NGF: variants seen among roughly 807,000 people sequenced by gnomAD.
NGF encodes the protein nerve growth factor.
NGF carries 4 observed loss-of-function variants against 12.8 expected under a neutral mutation model. The observed-to-expected ratio is 0.31, with a 90% confidence interval of 0.15 to 0.72. The LOEUF is 0.72. NGF is among the 30% of genes least tolerant of loss of function. NGF has a pLI of 0.69. For synonymous variants in NGF, 140 were observed against 130.0 expected (o/e 1.08, Z -0.52); for missense variants, 283 against 330.8 (o/e 0.86, Z 1.12).
intron 1 of NGF, among the ~76,000 whole-genome samples, chr1:115,304,211 G>A (rs1442780752): frequency 6.6e-6 from 1 of 151,840 alleles, no homozygotes; most frequent in African/African-American, 2.4e-5. Flanking sequence ...TGCCCAGGCT[G>A]TAGTGCAGTG....
In NGF at chr1:115,309,745, T is replaced by C. The variant is rs1007856931; in HGVS notation, c.-136-15995A>G. On this transcript the variant is annotated intron_variant, in intron 1 of 2. Coordinates refer to ENST00000369512, the MANE Select transcript of NGF (RefSeq NM_002506.3). Reference sequence around the variant, plus strand: ...TATGCAGCCATAAAAAAGGATGAGTTCATGTTCCTTTGCAGGGACATAGAT... The same window carrying C: ...TATGCAGCCATAAAAAAGGATGAGTCCATGTTCCTTTGCAGGGACATAGAT... 7.2e-5 allele frequency among the ~76,000 whole-genome samples: 11 copies of C among 152,336 alleles called. No individual in the cohort carries two copies. The South Asian group carries it at 2.3e-3, about 32-fold the overall frequency.
At chr1:115,313,806 G>A (rs1654400318) in intron 1 of NGF, among the ~76,000 whole-genome samples, 2 of 152,152 alleles carry the variant, frequency 1.3e-5, no homozygotes, top group Admixed American at 1.3e-4. Flanking sequence ...TTGAGCCTGA[G>A]GAAACAGTTG....
At chr1:115,290,458 T>G (rs1653658055) in intron 2 of NGF, among the ~76,000 whole-genome samples, 1 of 145,990 alleles carries the variant, frequency 6.8e-6, no homozygotes, top group Non-Finnish European at 1.5e-5. Flanking sequence ...TGCAGTGGCT[T>G]GATCTCGGCT....
At chr1:115,317,403 T>A (rs1431558330) in intron 1 of NGF, among the ~76,000 whole-genome samples, 1 of 152,196 alleles carries the variant, frequency 6.6e-6, no homozygotes, top group Non-Finnish European at 1.5e-5. Context: ...CCTCTCCAAT[T>A]CCTATGGAGG....
rs117685029 is a variant in NGF, at chr1:115,312,782, C to T, written c.-136-19032G>A. On this transcript the variant is annotated intron_variant, in intron 1 of 2. Coordinates refer to ENST00000369512, the MANE Select transcript of NGF (RefSeq NM_002506.3). ...ACAGAAATGTTTAAATCAGTGTTTC[C>T]CACCCCTGGAACATCAAAAGGGGTT... 8.1e-4 allele frequency among the ~76,000 whole-genome samples: 124 copies of T among 152,234 alleles called. 2 individuals carry two copies. In the East Asian group the frequency reaches 0.023, roughly 28 times the overall value.
chr1:115,312,950 T>A (rs1289145580), intron 1 of NGF, among the ~76,000 whole-genome samples: 2 of 152,212 alleles, frequency 1.3e-5, no homozygotes, highest in African/African-American at 4.8e-5. Flanking sequence ...CATGGAAACA[T>A]TTTTTACTGA....
intron 1 of NGF, among the ~76,000 whole-genome samples, chr1:115,313,408 T>C (rs559949077): frequency 6.6e-6 from 1 of 152,344 alleles, no homozygotes; most frequent in South Asian, 2.1e-4. Context: ...CCCAGACCCT[T>C]AGATGAACTG....
chr1:115,296,130 A>T (rs1024380908), intron 1 of NGF, among the ~76,000 whole-genome samples: 1 of 152,166 alleles, frequency 6.6e-6, no homozygotes, highest in African/African-American at 2.4e-5. Context: ...AAGGATGAAT[A>T]GGAGCTCATT....
chr1:115,286,394 C>A lies in NGF; in HGVS notation c.402G>T (p.Ser134=). Residue 134 remains serine (S), a synonymous_variant, in exon 3 of 3, where the codon TCG becomes TCT. Coordinates refer to ENST00000369512, the MANE Select transcript of NGF (RefSeq NM_002506.3). ...CCCACACGCTGACACTGTCACACAC[C>A]GAGAATTCGCCCCTGTGGAAGATGG... The part of the protein sequence containing the change: ...SHPIFHRGEF[S]VCDSVSVWVG... The A allele has an allele frequency of 2.5e-6, 4 of 1,613,890 alleles. No individual in the cohort carries two copies. Among genetic ancestry groups the A allele is most frequent in the Non-Finnish European group, 3.4e-6 (4 of 1,180,000 alleles).
chr1:115,287,542 T>G (rs781323537), intron 2 of NGF, among the ~76,000 whole-genome samples: 1 of 152,298 alleles, frequency 6.6e-6, no homozygotes, highest in Non-Finnish European at 1.5e-5. Context: ...TTCTCATGAG[T>G]CTGTGAGTTC....
chr1:115,286,842 A>G, intron 2 of NGF, 35 bp from the exon 3 acceptor site: 1 of 1,613,164 alleles, frequency 6.2e-7, no homozygotes, highest in Non-Finnish European at 8.5e-7. Context: ...GACTTCATGG[A>G]GTACTAAATG....
intron 1 of NGF, among the ~76,000 whole-genome samples, chr1:115,318,547 A>G (rs2101046058): frequency 6.6e-6 from 1 of 152,300 alleles, no homozygotes; most frequent in African/African-American, 2.4e-5. Context: ...AAAGCAGCCA[A>G]GGGCCATCTT....
chr1:115,292,211 T>C (rs1330479241), intron 2 of NGF, among the ~76,000 whole-genome samples: 1 of 151,994 alleles, frequency 6.6e-6, no homozygotes, highest in Non-Finnish European at 1.5e-5. Flanking sequence ...ACTTCAGAGG[T>C]GTCCTGGGGT....
intron 2 of NGF, 65 bp from the exon 3 acceptor site, chr1:115,286,872 G>C: frequency 6.2e-7 from 1 of 1,600,356 alleles, no homozygotes; most frequent in East Asian, 2.2e-5. Flanking sequence ...GGCAGTTTCT[G>C]GGTCCCTCAG....
intron 1 of NGF, among the ~76,000 whole-genome samples, chr1:115,294,106 A>T (rs1653790337): frequency 6.6e-6 from 1 of 152,260 alleles, no homozygotes; most frequent in African/African-American, 2.4e-5. Context: ...AGTACATTAC[A>T]CATGCAGACA....
At chr1:115,334,924 A>C (rs1344383238) in intron 1 of NGF, among the ~76,000 whole-genome samples, 1 of 152,222 alleles carries the variant, frequency 6.6e-6, no homozygotes, top group Non-Finnish European at 1.5e-5. Flanking sequence ...TCAAGGTCAC[A>C]AAGCTACTTC....
intron 1 of NGF, among the ~76,000 whole-genome samples, chr1:115,319,478 C>A (rs1051254606): frequency 1.3e-5 from 2 of 152,222 alleles, no homozygotes; most frequent in Middle Eastern, 3.2e-3. Flanking sequence ...ACTGCTACTG[C>A]AAAACCCTCG....
At chr1:115,309,797 A>G (rs1183837528) in intron 1 of NGF, among the ~76,000 whole-genome samples, 1 of 152,256 alleles carries the variant, frequency 6.6e-6, no homozygotes, top group African/African-American at 2.4e-5. Context: ...ATTCTCAGCA[A>G]ACTATGGATA....
At chr1:115,294,384 A>G (rs1653800520) in intron 1 of NGF, among the ~76,000 whole-genome samples, 1 of 152,222 alleles carries the variant, frequency 6.6e-6, no homozygotes, top group African/African-American at 2.4e-5. Context: ...TCTAGAAACA[A>G]TGGAAGTTTT....
Sources: allele counts gnomAD v4.1 joint callset (sites outside exome capture counted in the v4.1 genomes callset), GRCh38; gene constraint gnomAD v4.1.1; transcripts MANE v1.5; gene names NCBI Gene and HGNC (gene_info 2026-07-23, HGNC 2026-07-21).